CPNE1: variants seen among roughly 807,000 people sequenced by gnomAD.
CPNE1 encodes the protein copine 1, also known as copine-1.
CPNE1 carries 58 observed loss-of-function variants against 63.2 expected under a neutral mutation model. The ratio of observed to expected loss-of-function variants is 0.92; its 90% CI spans 0.74 to 1.14. The LOEUF (loss-of-function observed/expected upper bound fraction) is 1.14. Ranked by LOEUF, CPNE1 falls within the 50% of genes most tolerant of loss-of-function variation. CPNE1 has a pLI of 0.00. For missense variants in CPNE1, 672 were observed against 661.7 expected, an observed-to-expected ratio of 1.02 and a Z score of -0.17; for synonymous variants, 237 against 249.0, an observed-to-expected ratio of 0.95 and a Z score of 0.45.
At chr20:35,626,474 G>C in intron 15 of CPNE1, 93 bp from the exon 16 acceptor site, 3 of 1,592,786 alleles carry the variant, frequency 1.9e-6, no homozygotes, top group Non-Finnish European at 2.6e-6. Flanking sequence ...CCCAGGCTTA[G>C]AGGAAAAGGT....
At chr20:35,661,373 T>G (rs1164681137) in intron 1 of CPNE1, among the ~76,000 whole-genome samples, 1 of 152,214 alleles carries the variant, frequency 6.6e-6, no homozygotes, top group East Asian at 1.9e-4. Context: ...GCCATTTACC[T>G]AAAGCTTTGC....
chr20:35,651,803 A>G (rs2146340397), intron 1 of CPNE1: 1 of 152,794 alleles, frequency 6.5e-6, no homozygotes, highest in Middle Eastern at 3.4e-3. Flanking sequence ...TTTTATGGCA[A>G]AAGTCTTATT....
At chr20:35,646,014 G>A (rs376536508) in intron 1 of CPNE1, among the ~76,000 whole-genome samples, 9 of 151,898 alleles carry the variant, frequency 5.9e-5, no homozygotes, top group South Asian at 2.1e-4. Context: ...AGGCCAAGGC[G>A]GGAGCATCAC....
Position 35,626,258 on chromosome 20 carries a change from G to A in CPNE1, c.1597C>T (p.Gln533Ter). Residue 533 changes from glutamine (Q) to a stop codon, truncating the protein, a stop_gained, in exon 16 of 16, where the codon CAG (glutamine) becomes TAG (stop). Coordinates refer to ENST00000397443, the MANE Select transcript of CPNE1 (RefSeq NM_152925.3). LOFTEE classifies it high-confidence loss of function. Reference protein sequence around the residue: ...PLPPSAKDPAQAPQA With the variant: ...PLPPSAKDPA ...AAGGGAACCTAGGCCTGGGGGGCCT[G>A]TGCAGGATCCTTGGCTGAGGGTGGA... is the stretch of plus-strand genomic sequence containing the variant. 1 of 1,614,164 alleles carries A rather than the reference G, an allele frequency of 6.2e-7. No individual in the cohort carries two copies. Among genetic ancestry groups the A allele is most frequent in the Non-Finnish European group, 8.5e-7 (1 of 1,180,014 alleles).
chr20:35,641,181 G>A (rs1381221649), intron 1 of CPNE1, among the ~76,000 whole-genome samples: 2 of 152,188 alleles, frequency 1.3e-5, no homozygotes. Flanking sequence ...AGAACTGAGT[G>A]GCCATCTAAT....
At chr20:35,646,622 G>A (rs2033119079) in intron 1 of CPNE1, among the ~76,000 whole-genome samples, 1 of 152,116 alleles carries the variant, frequency 6.6e-6, no homozygotes, top group African/African-American at 2.4e-5. Context: ...CAGTCTAAGA[G>A]TTTTAAGTCC....
At chr20:35,639,795 A>G (rs1331991177) in intron 1 of CPNE1, among the ~76,000 whole-genome samples, 1 of 152,236 alleles carries the variant, frequency 6.6e-6, no homozygotes, top group Non-Finnish European at 1.5e-5. Flanking sequence ...TCCCCAAAAG[A>G]GATGCCCTTG....
chr20:35,626,515 A>C, intron 15 of CPNE1, 52 bp downstream of exon 15: 1 of 1,597,768 alleles, frequency 6.3e-7, no homozygotes, highest in Non-Finnish European at 8.6e-7. Flanking sequence ...CCCTACTCAC[A>C]TCAGGGAAAG....
chr20:35,661,031 A>G (rs2034205001), intron 1 of CPNE1, among the ~76,000 whole-genome samples: 1 of 152,240 alleles, frequency 6.6e-6, no homozygotes, highest in Non-Finnish European at 1.5e-5. Flanking sequence ...GCCTAGTTCA[A>G]GTTTTATGTG....
At chr20:35,651,830 G>C (rs1460686124) in intron 1 of CPNE1, 2 of 152,564 alleles carry the variant, frequency 1.3e-5, no homozygotes, top group Non-Finnish European at 2.9e-5. Context: ...AGTTTTAAGT[G>C]TGACATTAGA....
intron 1 of CPNE1, among the ~76,000 whole-genome samples, chr20:35,638,729 T>C (rs1254799026): frequency 6.6e-6 from 1 of 152,212 alleles, no homozygotes; most frequent in Non-Finnish European, 1.5e-5. Context: ...AGCCAAAAAC[T>C]TGAAACAGCC....
intron 1 of CPNE1, chr20:35,659,053 G>GA: frequency 1.4e-6 from 1 of 700,702 alleles, no homozygotes; most frequent in South Asian, 1.5e-5. Context: ...ATCAATGCAG[G>GA]AAACACAAAA....
intron 1 of CPNE1, among the ~76,000 whole-genome samples, chr20:35,642,578 T>G (rs913562108): frequency 6.6e-6 from 1 of 152,212 alleles, no homozygotes; most frequent in Non-Finnish European, 1.5e-5. Flanking sequence ...ACTCTTCTTT[T>G]TCCTTTTTGG....
chr20:35,653,769 T>A, intron 1 of CPNE1: 1 of 1,614,148 alleles, frequency 6.2e-7, no homozygotes, highest in Non-Finnish European at 8.5e-7. Context: ...GCAGTCTTTT[T>A]CGAATCATAT....
At chr20:35,635,191 G>T (rs985669755) in intron 1 of CPNE1, among the ~76,000 whole-genome samples, 1 of 151,778 alleles carries the variant, frequency 6.6e-6, no homozygotes, top group African/African-American at 2.4e-5. Flanking sequence ...TATATATAAA[G>T]GCTCTCCCTT....
intron 5 of CPNE1, 41 bp from the exon 6 acceptor site, chr20:35,632,066 C>T (rs751032968): frequency 6.2e-7 from 1 of 1,607,994 alleles, no homozygotes; most frequent in Non-Finnish European, 8.5e-7. Context: ...CAGGAACAAA[C>T]AACCATTATG....
At chr20:35,638,203 CT>C (rs1180301799) in intron 1 of CPNE1, among the ~76,000 whole-genome samples, 1 of 152,162 alleles carries the variant, frequency 6.6e-6, no homozygotes, top group Non-Finnish European at 1.5e-5. Flanking sequence ...GGTGAATGTG[CT>C]TTTGCTCAAG....
chr20:35,664,409 G>A (rs902731923), intron 1 of CPNE1: 2 of 152,400 alleles, frequency 1.3e-5, no homozygotes, highest in African/African-American at 2.4e-5. Context: ...GGGGAGACAA[G>A]AAATCCTCCG....
chr20:35,656,644 C>T (rs2146360617), intron 1 of CPNE1, among the ~76,000 whole-genome samples: 1 of 152,302 alleles, frequency 6.6e-6, no homozygotes, highest in East Asian at 1.9e-4. Flanking sequence ...AAGTAATTCT[C>T]CTGCCTCAGC....
Sources: gnomAD v4.1 joint callset for allele counts (sites outside exome capture counted in the v4.1 genomes callset) on GRCh38, gnomAD v4.1.1 for gene constraint, MANE v1.5 for transcripts, NCBI Gene and HGNC (gene_info 2026-07-23, HGNC 2026-07-21) for gene names.